NEB: variants seen among roughly 807,000 people sequenced by gnomAD.
The protein encoded by NEB is nemaline myopathy type 2.
NEB carries 512 observed loss-of-function variants against 952.2 expected under a neutral mutation model. The observed-to-expected ratio is 0.54, with a 90% CI of 0.50 to 0.58. NEB has a LOEUF of 0.58. Ranked by LOEUF, NEB falls within the 20% of genes least tolerant of loss-of-function variation. The probability of loss-of-function intolerance (pLI) is 0.00; values close to 1 mark genes in which losing one functional copy is unlikely to be tolerated. For missense variants in NEB, 8,428 were observed against 9,231.1 expected (o/e 0.91, Z 3.56); for synonymous variants, 2,900 against 3,149.8 (o/e 0.92, Z 2.66).
chr2:151,645,420 T>C (rs1299318636), intron 55 of NEB, among the ~76,000 whole-genome samples: 2 of 152,236 alleles, frequency 1.3e-5, no homozygotes, highest in African/African-American at 2.4e-5. Context: ...AACTTATGTT[T>C]TGAAGAAGGT....
rs1037104497 is a variant in NEB, at chr2:151,627,040, G to T, written c.10309C>A (p.Gln3437Lys). ...AGAGCATTGTTCTTGGCCAGCACCT[G>T]CTCTAGAGAGTCAGTCACACTGGTA... ...KFTSVTDSLE[Q>K]VLAKNNALNM... is the part of the protein sequence containing the mutation. Residue 3437 changes from glutamine (Q) to lysine (K), a missense_variant, in exon 70 of 182, where the codon CAG becomes AAG. Physicochemically the swap from Gln to Lys is moderately conservative, Grantham distance 53. Transcript: ENST00000397345. 2 of 1,613,830 alleles carry T rather than the reference G, an allele frequency of 1.2e-6. No individual in the cohort carries two copies. The highest frequency in any genetic ancestry group is 2.7e-5 in the African/African-American group (2 of 74,902).
rs866249612 is a variant in NEB, at chr2:151,561,391, A to G, written c.18997-79T>C. The G allele has an allele frequency of 8.5e-6, 8 of 936,974 alleles. No homozygotes were observed. The South Asian group carries it at 1.1e-4, about 13-fold the overall frequency. 58.0% of individuals were successfully genotyped at this position (936,974 alleles called of 1,614,324 possible). On this transcript the variant is annotated intron_variant, in intron 121 of 181. Coordinates refer to ENST00000397345, the MANE Select transcript of NEB (RefSeq NM_001164508.2). ...GCTGTAGCTGCTTGTGCCAACTTAC[A>G]TGTGCCTTTATTTCTGGATTTCTGC...
chr2:151,561,853 T>G (rs1480136382), intron 121 of NEB, among the ~76,000 whole-genome samples: 1 of 151,972 alleles, frequency 6.6e-6, no homozygotes, highest in East Asian at 1.9e-4. Context: ...TGCTTGAGAG[T>G]AGTTCACTAA....
At chr2:151,619,430 G>C in intron 73 of NEB, 21 bp downstream of exon 73, 2 of 1,573,150 alleles carry the variant, frequency 1.3e-6, no homozygotes, top group South Asian at 2.4e-5. Context: ...AACATGCAGA[G>C]CTAACATCAA....
Position 151,531,796 on chromosome 2 carries a change from C to T in NEB, c.21518G>A (p.Ser7173Asn). Residue 7173 changes from serine (S) to asparagine (N), a missense_variant, in exon 144 of 182, where the codon AGC becomes AAC. By Grantham distance (46) the Ser-to-Asn change is conservative. Around this residue, in one of 11 missense-constraint regions of NEB, gnomAD observed 3,374 missense variants for 3,651.5 expected, o/e 0.92. Transcript: ENST00000397345. ...TTCAGTGTTTCTTGCACTTACATCG[C>T]TGATTTGTTTGTTGACTTTTGTAGT... ...LRTTKVNKQI[S>N]DILYKLEYNK... The T allele has an allele frequency of 6.2e-7, 1 of 1,608,306 alleles. No homozygotes were observed.
chr2:151,629,578 G>A lies in NEB; in HGVS notation c.9792C>T (p.Pro3264=). The A allele has an allele frequency of 6.2e-7, 1 of 1,613,818 alleles. No homozygotes were observed. Among genetic ancestry groups the A allele is most frequent in the Non-Finnish European group, 8.5e-7 (1 of 1,179,790 alleles). ...KGYDLRSDAI[P]IVAAKASRDV... ...CCCTGGAGGCCTTGGCAGCCACGATGGGGATGGCGTCACTTCGCAAGTCGT... is the reference window on the plus strand; with the variant it reads ...CCCTGGAGGCCTTGGCAGCCACGATAGGGATGGCGTCACTTCGCAAGTCGT... The change falls in exon 68 of 182, where the codon CCC becomes CCT. Residue 3264 remains proline (P), a synonymous_variant. Transcript: ENST00000397345.
chr2:151,719,439 C>G (rs1330061946), intron 9 of NEB, among the ~76,000 whole-genome samples: 1 of 152,338 alleles, frequency 6.6e-6, no homozygotes, highest in South Asian at 2.1e-4. Context: ...CATCTTTATA[C>G]TTTAACCAAG....
Position 151,562,775 on chromosome 2 carries a change from CT to C in NEB, c.18726del (p.Ala6243GlnfsTer9). On this transcript the variant is annotated frameshift_variant, in exon 120 of 182. Transcript: ENST00000397345. LOFTEE classifies it high-confidence loss of function. ...LNYRKHYEDT[K>X]ANVHIPNDMM... Reference sequence around the variant, plus strand: ...ATGTCATTGGGGATATGAACATTTGCTTTGGTATCCTCATAATGTTTTCTGT... The same window carrying C: ...ATGTCATTGGGGATATGAACATTTGCTTGGTATCCTCATAATGTTTTCTGT... The C allele has an allele frequency of 6.3e-7, 1 of 1,585,230 alleles. No individual in the cohort carries two copies. Among genetic ancestry groups the C allele is most frequent in the South Asian group, 1.2e-5 (1 of 86,926 alleles).
Position 151,675,279 on chromosome 2 carries a change from C to T in NEB, c.3879+8G>A, listed in dbSNP as rs376511134. ...CGAATTTCACATCCCAGCAAAGACC[C>T]TACTTACGTCACTTATATTGTAAGC... On this transcript the variant is annotated splice_region_variant and intron_variant, in intron 35 of 181. Transcript: ENST00000397345. 1.0e-4 allele frequency: 155 copies of T among 1,541,816 alleles called. No individual in the cohort carries two copies. In the East Asian group the frequency reaches 2.4e-3, roughly 24 times the overall value.
intron 77 of NEB, among the ~76,000 whole-genome samples, chr2:151,613,222 C>A (rs1479176943): frequency 6.6e-6 from 1 of 152,164 alleles, no homozygotes; most frequent in Non-Finnish European, 1.5e-5. Context: ...TGGCCAACAA[C>A]AAAAGTGCCT....
At chr2:151,692,425 C>A in intron 20 of NEB, 63 bp from the exon 21 acceptor site, 1 of 1,283,598 alleles carries the variant, frequency 7.8e-7, no homozygotes, top group South Asian at 1.3e-5. Flanking sequence ...AAGTAAAAGT[C>A]ATTCATGTCT....
At chr2:151,510,585 G>GGA (rs571809291) in intron 161 of NEB, among the ~76,000 whole-genome samples, 3 of 152,036 alleles carry the variant, frequency 2.0e-5, no homozygotes, top group Admixed American at 6.5e-5. Context: ...ATATTCTGAG[G>GGA]GAGAGAGAGA....
chr2:151,677,794 A>C, intron 33 of NEB, 23 bp from the exon 34 acceptor site: 2 of 1,613,516 alleles, frequency 1.2e-6, no homozygotes, highest in South Asian at 1.1e-5. Flanking sequence ...AGAAAAGAGG[A>C]GTGAGGGCCT....
In NEB at chr2:151,563,999, G is replaced by A; in HGVS notation, c.18472-69C>T. The stretch of plus-strand genomic sequence containing the variant: ...TCTTTCAGATACCACTAAAACAATT[G>A]GTCTAATTAAGGTGAAACATGTATG... On this transcript the variant is annotated intron_variant, in intron 117 of 181. Transcript: ENST00000397345. The A allele has an allele frequency of 1.1e-5, 13 of 1,172,022 alleles. No individual in the cohort carries two copies. The South Asian group carries it at 1.8e-4, about 16-fold the overall frequency. The allele number at this position is 1,172,022 out of a possible 1,614,324, so 72.6% of individuals were successfully genotyped here.
intron 156 of NEB, among the ~76,000 whole-genome samples, chr2:151,516,794 C>T (rs1575827900): frequency 6.6e-6 from 1 of 152,080 alleles, no homozygotes; most frequent in Non-Finnish European, 1.5e-5. Flanking sequence ...GGATTCAATT[C>T]AAGGACACAA....
At chr2:151,723,125 CTAACTAATG>C (rs1407021792) in intron 9 of NEB, among the ~76,000 whole-genome samples, 18 of 152,156 alleles carry the variant, frequency 1.2e-4, no homozygotes, top group Non-Finnish European at 2.2e-4. Flanking sequence ...GGCTCTGCCA[CTAACTAATG>C]TGACCCCAGA....
intron 29 of NEB, 65 bp from the exon 30 acceptor site, chr2:151,680,893 C>G (rs888659344): frequency 6.4e-5 from 80 of 1,257,320 alleles, no homozygotes; most frequent in Non-Finnish European, 8.9e-5. Context: ...ACGTCAAAAT[C>G]CTTGAAATTT....
intron 138 of NEB, among the ~76,000 whole-genome samples, chr2:151,538,545 G>A (rs767028074): frequency 1.8e-4 from 27 of 152,036 alleles, no homozygotes; most frequent in Admixed American, 3.3e-4. Context: ...CCCTGGGTGT[G>A]GGGCATGTGA....
chr2:151,526,995 G>T lies in NEB; in HGVS notation c.21868C>A (p.Leu7290Ile). Residue 7290 changes from leucine (L) to isoleucine (I), a missense_variant, in exon 148 of 182, where the codon CTC becomes ATC. This residue lies in a region of NEB where 3,374 missense variants were observed against 3,651.5 expected (regional missense o/e 0.92). Coordinates refer to ENST00000397345, the MANE Select transcript of NEB (RefSeq NM_001164508.2). Reference sequence around the variant, plus strand: ...GTGACAGAAAGCTTGCAACCCTTGAGGAACTCCCGGTCCAGCTTATATTCA... The same window carrying T: ...GTGACAGAAAGCTTGCAACCCTTGATGAACTCCCGGTCCAGCTTATATTCA... ...DFEYKLDREF[L>I]KGCKLSVTDD... The T allele has an allele frequency of 6.2e-7, 1 of 1,601,520 alleles. No homozygotes were observed. The highest frequency in any genetic ancestry group is 1.7e-4 in the Middle Eastern group (1 of 6,044).
Sources: allele counts gnomAD v4.1 joint callset (sites outside exome capture counted in the v4.1 genomes callset), GRCh38; gene constraint gnomAD v4.1.1; regional missense constraint gnomAD v4.1.1; transcripts MANE v1.5; gene names NCBI Gene and HGNC (gene_info 2026-07-23, HGNC 2026-07-21).